Variants in PPM1L observed in about 807,000 individuals in gnomAD.
PPM1L encodes protein phosphatase, Mg2+/Mn2+ dependent 1L, also known as protein phosphatase 1L.
A neutral mutation model predicts 31.4 loss-of-function variants in PPM1L; 13 were observed. The observed-to-expected ratio is 0.41, with a 90% confidence interval of 0.27 to 0.66. The LOEUF is 0.66. PPM1L is among the 30% of genes least tolerant of loss of function. The pLI, the probability that PPM1L is intolerant of heterozygous loss-of-function variation, is 0.29. For missense variants in PPM1L, 326 were observed against 453.7 expected, an observed-to-expected ratio of 0.72 and a Z score of 2.56; for synonymous variants, 184 against 175.4, an observed-to-expected ratio of 1.05 and a Z score of -0.39.
chr3:160,901,637 A>T (rs1377495182), intron 1 of PPM1L, among the ~76,000 whole-genome samples: 2 of 152,116 alleles, frequency 1.3e-5, no homozygotes, highest in East Asian at 3.9e-4. Context: ...GACCCTGCGC[A>T]TAGGTCACCT....
intron 2 of PPM1L, among the ~76,000 whole-genome samples, chr3:161,001,196 G>A (rs1440307244): frequency 1.3e-5 from 2 of 152,074 alleles, no homozygotes; most frequent in Non-Finnish European, 2.9e-5. Context: ...GGATCTATGG[G>A]CTAGATTGCA....
chr3:160,912,855 A>C (rs1714022370), intron 1 of PPM1L, among the ~76,000 whole-genome samples: 1 of 152,184 alleles, frequency 6.6e-6, no homozygotes, highest in Admixed American at 6.5e-5. Flanking sequence ...GTGTAGTAGG[A>C]GGTCCTCCAG....
rs376982169 is a variant in PPM1L at position 161,027,016 on chromosome 3, G to A, written c.575-38387G>A. Among the ~76,000 whole-genome samples, 6 of 152,292 alleles carry A rather than the reference G, an allele frequency of 3.9e-5. 1 individual carries two copies. The South Asian group carries it at 1.0e-3, about 26-fold the overall frequency. The stretch of plus-strand genomic sequence containing the variant: ...CTACCTTGGATCTTGGACAAGTTAC[G>A]CAAGGTCTCTATGCATTGGTTTTCT... On this transcript the variant is annotated intron_variant, in intron 2 of 3. Coordinates refer to ENST00000498165, the MANE Select transcript of PPM1L (RefSeq NM_139245.4).
At chr3:160,835,049 C>CCTCTTT (rs5853907) in intron 1 of PPM1L, among the ~76,000 whole-genome samples, 1 of 144,078 alleles carries the variant, frequency 6.9e-6, no homozygotes, top group African/African-American at 2.6e-5. Context: ...ACTTCTTCTT[C>CCTCTTT]TTCTTCTTCT....
intron 2 of PPM1L, among the ~76,000 whole-genome samples, chr3:161,050,678 A>G (rs1719245349): frequency 6.6e-6 from 1 of 152,172 alleles, no homozygotes; most frequent in South Asian, 2.1e-4. Flanking sequence ...GACAATATAT[A>G]TTCTTCAGAA....
chr3:161,043,968 A>G (rs1360399989), intron 2 of PPM1L, among the ~76,000 whole-genome samples: 1 of 152,212 alleles, frequency 6.6e-6, no homozygotes, highest in Non-Finnish European at 1.5e-5. Context: ...TAAAAAAACA[A>G]TTAAAAATAT....
intron 1 of PPM1L, among the ~76,000 whole-genome samples, chr3:160,762,939 G>A (rs7618640): frequency 0.31 from 47,531 of 151,886 alleles, 8,101 homozygotes; most frequent in East Asian, 0.55. Flanking sequence ...TTTTTTTAAT[G>A]TTAAGTATAT....
intron 2 of PPM1L, among the ~76,000 whole-genome samples, chr3:161,014,238 A>G (rs1717998406): frequency 6.6e-6 from 1 of 152,092 alleles, no homozygotes; most frequent in South Asian, 2.1e-4. Context: ...TATACTATTA[A>G]TTAAGCACAG....
chr3:160,839,478 A>G (rs1713806818), intron 1 of PPM1L, among the ~76,000 whole-genome samples: 1 of 152,094 alleles, frequency 6.6e-6, no homozygotes, highest in South Asian at 2.1e-4. Context: ...TTTATTTTTA[A>G]AACAAGGTCA....
intron 2 of PPM1L, among the ~76,000 whole-genome samples, chr3:161,013,846 C>G (rs1050552584): frequency 6.6e-6 from 1 of 151,914 alleles, no homozygotes; most frequent in Non-Finnish European, 1.5e-5. Flanking sequence ...AGGATGCAAC[C>G]CCTGTTTTTT....
intron 1 of PPM1L, among the ~76,000 whole-genome samples, chr3:160,808,264 A>G (rs181745242): frequency 1.4e-3 from 206 of 151,028 alleles, no homozygotes; most frequent in Middle Eastern, 6.8e-3. Flanking sequence ...TGGTTGTTCC[A>G]ACTGCCCTTT....
At chr3:160,940,146 G>A (rs557337352) in intron 1 of PPM1L, among the ~76,000 whole-genome samples, 135 of 152,250 alleles carry the variant, frequency 8.9e-4, no homozygotes, top group Admixed American at 1.7e-3. Context: ...GATGATTTAG[G>A]GTATCTGGCA....
At chr3:161,008,892 C>T (rs760230358) in intron 2 of PPM1L, among the ~76,000 whole-genome samples, 1 of 152,034 alleles carries the variant, frequency 6.6e-6, no homozygotes, top group Non-Finnish European at 1.5e-5. Context: ...GTGGACAGAT[C>T]AAAGCTGGGA....
intron 1 of PPM1L, among the ~76,000 whole-genome samples, chr3:160,945,173 T>C (rs994819702): frequency 6.8e-6 from 1 of 147,880 alleles, no homozygotes. Flanking sequence ...TTTGTTTTAG[T>C]TTGGCCATCC....
At chr3:161,030,437 T>A (rs1220248807) in intron 2 of PPM1L, among the ~76,000 whole-genome samples, 1 of 152,164 alleles carries the variant, frequency 6.6e-6, no homozygotes, top group Non-Finnish European at 1.5e-5. Context: ...GATACTGAAT[T>A]TGCCAGGACC....
intron 1 of PPM1L, among the ~76,000 whole-genome samples, chr3:160,885,826 G>C (rs940974085): frequency 6.6e-6 from 1 of 152,222 alleles, no homozygotes; most frequent in African/African-American, 2.4e-5. Flanking sequence ...TTAAGCCTGC[G>C]GAGCTCCCCT....
intron 1 of PPM1L, among the ~76,000 whole-genome samples, chr3:160,780,128 T>G (rs1711693579): frequency 6.6e-6 from 1 of 152,066 alleles, no homozygotes; most frequent in South Asian, 2.1e-4. Flanking sequence ...GGGCAAGTGA[T>G]CCTCCCACCT....
chr3:160,901,178 A>G (rs1484113928), intron 1 of PPM1L, among the ~76,000 whole-genome samples: 10 of 152,132 alleles, frequency 6.6e-5, no homozygotes, highest in Admixed American at 5.9e-4. Flanking sequence ...TTACATCTTT[A>G]GCTCAGACCT....
chr3:160,857,453 C>T (rs188198091), intron 1 of PPM1L, among the ~76,000 whole-genome samples: 130 of 152,260 alleles, frequency 8.5e-4, no homozygotes, highest in African/African-American at 3.0e-3. Context: ...TGACTAGGAG[C>T]TGTAAGTAAG....
Sources: gnomAD v4.1 joint callset for allele counts (sites outside exome capture counted in the v4.1 genomes callset) on GRCh38, gnomAD v4.1.1 for gene constraint, MANE v1.5 for transcripts, NCBI Gene and HGNC (gene_info 2026-07-23, HGNC 2026-07-21) for gene names.